Variants in KLHL24 observed in about 807,000 individuals in gnomAD.
KLHL24 encodes kelch-like protein 24.
KLHL24 carries 29 observed loss-of-function variants against 53.4 expected under a neutral mutation model. The observed-to-expected ratio is 0.54, with a 90% CI of 0.40 to 0.74. The LOEUF is 0.74. Among genes scored for constraint, KLHL24 ranks in the 30% least tolerant of loss-of-function variants. The pLI, the probability that KLHL24 is intolerant of heterozygous loss-of-function variation, is 0.00. For synonymous variants in KLHL24, 222 were observed against 253.7 expected, an observed-to-expected ratio of 0.88 and a Z score of 1.19; for missense variants, 504 against 744.0, an observed-to-expected ratio of 0.68 and a Z score of 3.75.
At position 183,684,014 on chromosome 3, in the gene KLHL24, A is replaced by C. The variant is rs751529513; in HGVS notation, c.*4728A>C. Reference sequence around the variant, plus strand: ...GGTGCTTTTTAAAATATTCAGACAAATATCTATCTTACATTGATTAAACCC... The same window carrying C: ...GGTGCTTTTTAAAATATTCAGACAACTATCTATCTTACATTGATTAAACCC... On this transcript the variant is annotated 3_prime_UTR_variant, in exon 8 of 8. Transcript: ENST00000242810. 31 of 152,578 alleles carry C rather than the reference A, an allele frequency of 2.0e-4. No individual in the cohort carries two copies. The highest frequency in any genetic ancestry group is 3.8e-4 in the Non-Finnish European group (26 of 68,008). The allele number at this position is 152,578 out of a possible 1,614,324, so 9.5% of individuals were successfully genotyped here.
At position 183,657,742 on chromosome 3, in the gene KLHL24, A is replaced by G. The variant is rs188039426; in HGVS notation, c.921-5716A>G. On this transcript the variant is annotated intron_variant, in intron 3 of 7. Transcript: ENST00000242810. Reference sequence around the variant, plus strand: ...TATATTATAGGATGAGTAGCCTACCATTTATTGTTCATTGTTTTGAACTCA... The same window carrying G: ...TATATTATAGGATGAGTAGCCTACCGTTTATTGTTCATTGTTTTGAACTCA... 1.3e-4 allele frequency among the ~76,000 whole-genome samples: 20 copies of G among 152,290 alleles called. No individual in the cohort carries two copies. In the East Asian group the frequency reaches 3.1e-3, roughly 24 times the overall value.
chr3:183,638,279 T>C (rs1715698914), intron 1 of KLHL24, among the ~76,000 whole-genome samples: 1 of 152,260 alleles, frequency 6.6e-6, no homozygotes, highest in Non-Finnish European at 1.5e-5. Context: ...TAAGGCTGAC[T>C]ACCAGCTTTA....
At position 183,641,071 on chromosome 3, in the gene KLHL24, T is replaced by C. The variant is rs575718349; in HGVS notation, c.-124-2409T>C. Among the ~76,000 whole-genome samples the C allele has an allele frequency of 6.7e-4, 102 of 152,358 alleles. 1 individual carries two copies. Among genetic ancestry groups the C allele is most frequent in the African/African-American group, 2.4e-3 (98 of 41,588 alleles). On this transcript the variant is annotated intron_variant, in intron 1 of 7. Coordinates refer to ENST00000242810, the MANE Select transcript of KLHL24 (RefSeq NM_017644.3). Reference sequence around the variant, plus strand: ...AACTGAAATTTTGATAGTGCAAGTTTATGATTTTTAAAAAGTCATCAAATA... The same window carrying C: ...AACTGAAATTTTGATAGTGCAAGTTCATGATTTTTAAAAAGTCATCAAATA...
chr3:183,668,413 C>T (rs1176890612), intron 5 of KLHL24, among the ~76,000 whole-genome samples: 2 of 152,214 alleles, frequency 1.3e-5, no homozygotes, highest in Admixed American at 1.3e-4. Context: ...GGAATCATTC[C>T]TACCTTACAC....
chr3:183,642,010 G>C (rs1405279307), intron 1 of KLHL24, among the ~76,000 whole-genome samples: 2 of 152,116 alleles, frequency 1.3e-5, no homozygotes, highest in African/African-American at 2.4e-5. Flanking sequence ...GGTTATGAGA[G>C]GCTCTATTCC....
At position 183,679,294 on chromosome 3, in the gene KLHL24, A is replaced by T. The variant is rs1712438970; in HGVS notation, c.*8A>T. 2.5e-6 allele frequency: 4 copies of T among 1,610,388 alleles called. No homozygotes were observed. The East Asian group carries it at 8.9e-5, about 36-fold the overall frequency. Reference sequence around the variant, plus strand: ...AAATGCTTTAAACTCTGAAGACAGGATACCTCACCGAAGAAGCCACACTGA... The same window carrying T: ...AAATGCTTTAAACTCTGAAGACAGGTTACCTCACCGAAGAAGCCACACTGA... On this transcript the variant is annotated 3_prime_UTR_variant, in exon 8 of 8. Coordinates refer to ENST00000242810, the MANE Select transcript of KLHL24 (RefSeq NM_017644.3).
intron 1 of KLHL24, among the ~76,000 whole-genome samples, chr3:183,639,443 A>C (rs1005946753): frequency 2.0e-5 from 3 of 151,642 alleles, no homozygotes; most frequent in Non-Finnish European, 4.4e-5. Context: ...ATCCTGGCTA[A>C]CACGGAGAAA....
At chr3:183,636,623 G>C (rs552630132) in intron 1 of KLHL24, 1 of 152,524 alleles carries the variant, frequency 6.6e-6, no homozygotes, top group South Asian at 2.1e-4. Context: ...AACGCGGCGG[G>C]GATTGGGCGC....
At chr3:183,653,883 C>T (rs1718488402) in intron 3 of KLHL24, among the ~76,000 whole-genome samples, 1 of 152,166 alleles carries the variant, frequency 6.6e-6, no homozygotes, top group South Asian at 2.1e-4. Flanking sequence ...ACCCAGTGAC[C>T]TCTCCAGTCT....
rs1469488540 is a variant in KLHL24, at chr3:183,650,337, T to C, written c.-20T>C. On this transcript the variant is annotated 5_prime_UTR_variant, in exon 3 of 8. Coordinates refer to ENST00000242810, the MANE Select transcript of KLHL24 (RefSeq NM_017644.3). The surrounding 1 kb of genome is among the most constrained non-coding windows in gnomAD (Gnocchi z 4.5). The stretch of plus-strand genomic sequence containing the variant: ...CCTAATAGTCATTTCTCAACAATTA[T>C]ATAGTCAACTGATGTAACAATGGTA... 3.8e-6 allele frequency: 6 copies of C among 1,585,636 alleles called. No homozygotes were observed. The Admixed American group carries it at 5.2e-5, about 14-fold the overall frequency.
intron 3 of KLHL24, among the ~76,000 whole-genome samples, chr3:183,656,114 A>G (rs1718852789): frequency 7.8e-6 from 1 of 127,466 alleles, no homozygotes; most frequent in Non-Finnish European, 1.5e-5. Flanking sequence ...TGGTGCCATC[A>G]TGGCTCACTG....
In KLHL24 at chr3:183,672,464, C is replaced by G; in HGVS notation, c.1582C>G (p.Gln528Glu). ...DPVEDYWMHV[Q>E]NTFSRQENCG... is the part of the protein sequence containing the mutation. ...AGTTGAAGATTACTGGATGCACGTACAGAATACATTCAGCCGTCAGGTAAT... is the reference window on the plus strand; with the variant it reads ...AGTTGAAGATTACTGGATGCACGTAGAGAATACATTCAGCCGTCAGGTAAT... Residue 528 changes from glutamine to glutamate, a missense_variant, in exon 7 of 8, where the codon CAG (glutamine) becomes GAG (glutamate). By Grantham distance (29) the Gln-to-Glu change is conservative. Coordinates refer to ENST00000242810, the MANE Select transcript of KLHL24 (RefSeq NM_017644.3). 1 of 1,608,858 alleles carries G rather than the reference C, an allele frequency of 6.2e-7. No individual in the cohort carries two copies. Among genetic ancestry groups the G allele is most frequent in the Non-Finnish European group, 8.5e-7 (1 of 1,177,220 alleles).
rs1275720736 is a variant in KLHL24 at position 183,671,021 on chromosome 3, A to T, written c.1225-13A>T. The T allele has an allele frequency of 1.9e-6, 3 of 1,574,888 alleles. No individual in the cohort carries two copies. In the African/African-American group the frequency reaches 4.1e-5, roughly 21 times the overall value. On this transcript the variant is annotated splice_polypyrimidine_tract_variant and intron_variant, in intron 5 of 7. Transcript: ENST00000242810. ...TTTGATAATTAAGATTTTTCCATGT[A>T]TTTTACATATAGGTATATGTTGTCG...
chr3:183,639,701 A>ATTTAAT (rs72112329), intron 1 of KLHL24, among the ~76,000 whole-genome samples: 49,247 of 148,800 alleles, frequency 0.33, 8,963 homozygotes, highest in African/African-American at 0.48. Context: ...ATCCTTGCAG[A>ATTTAAT]TTTAATTAAA....
chr3:183,656,292 G>A (rs1718882165), intron 3 of KLHL24, among the ~76,000 whole-genome samples: 1 of 152,072 alleles, frequency 6.6e-6, no homozygotes, highest in Non-Finnish European at 1.5e-5. Flanking sequence ...GCTTCCCAAA[G>A]TGCTAGGATT....
At chr3:183,637,368 T>G (rs1198891585) in intron 1 of KLHL24, among the ~76,000 whole-genome samples, 6 of 152,230 alleles carry the variant, frequency 3.9e-5, no homozygotes, top group Non-Finnish European at 7.3e-5. Flanking sequence ...TCTTCCATAC[T>G]CGGCTCGGAT....
chr3:183,669,181 T>C (rs538590555), intron 5 of KLHL24, among the ~76,000 whole-genome samples: 1 of 152,002 alleles, frequency 6.6e-6, no homozygotes, highest in African/African-American at 2.4e-5. Context: ...TATGATTGTC[T>C]ACATTTTAAA....
In KLHL24 at chr3:183,679,228, T is replaced by C; in HGVS notation, c.1745T>C (p.Val582Ala). ...ITGVAAMPRP[V>A]SYHGCVTIHR... ...GGGGTAGCTGCAATGCCCAGGCCAG[T>C]GTCCTATCATGGCTGTGTGACTATT... Residue 582 changes from valine (V) to alanine (A), a missense_variant, in exon 8 of 8, where the codon GTG becomes GCG. By Grantham distance (64) the Val-to-Ala change is moderately conservative. Coordinates refer to ENST00000242810, the MANE Select transcript of KLHL24 (RefSeq NM_017644.3). 6.2e-7 allele frequency: 1 copy of C among 1,614,026 alleles called. No homozygotes were observed. The highest frequency in any genetic ancestry group is 8.5e-7 in the Non-Finnish European group (1 of 1,179,912).
chr3:183,662,721 G>C (rs1163209148), intron 3 of KLHL24, among the ~76,000 whole-genome samples: 1 of 152,092 alleles, frequency 6.6e-6, no homozygotes, highest in East Asian at 1.9e-4. Context: ...CTCATTATTG[G>C]TTTGGAAATT....
Sources: gnomAD v4.1 joint callset for allele counts (sites outside exome capture counted in the v4.1 genomes callset) on GRCh38, gnomAD v4.1.1 for gene constraint, Gnocchi (gnomAD v3.1) non-coding constraint, MANE v1.5 for transcripts, NCBI Gene and HGNC (gene_info 2026-07-23, HGNC 2026-07-21) for gene names.